The following ABR variants were observed in gnomAD, a reference collection of about 807,000 sequenced individuals.
ABR encodes ABR activator of RhoGEF and GTPase.
ABR carries 35 observed loss-of-function variants against 107.2 expected under a neutral mutation model. The observed-to-expected ratio is 0.33, with a 90% CI of 0.25 to 0.43. ABR has a LOEUF of 0.43. ABR is among the 20% of genes least tolerant of loss of function. ABR has a pLI of 1.00. For missense variants in ABR, 815 were observed against 1,115.2 expected (o/e 0.73, Z 3.83); for synonymous variants, 498 against 462.0 (o/e 1.08, Z -1.00).
rs1350067450 is a variant in ABR, at chr17:1,125,305, C to T, written c.124G>A (p.Glu42Lys). Residue 42 changes from glutamate (E) to lysine (K), a missense_variant, in exon 2 of 23, where the codon GAG becomes AAG. This residue lies in a region of ABR where 129 missense variants were observed against 124.8 expected (regional missense o/e 1.03). Transcript: ENST00000302538. ...EGNEEQKGPP[E>K]GSETMPYIDE... is the part of the protein sequence containing the mutation. ...ATGTACGGCATGGTCTCTGAGCCCT[C>T]CGGGGGCCCCTTCTGCTCCTCATTC... The T allele has an allele frequency of 5.0e-6, 8 of 1,613,926 alleles. No individual in the cohort carries two copies. Among genetic ancestry groups the T allele is most frequent in the Non-Finnish European group, 5.9e-6 (7 of 1,179,992 alleles).
At chr17:1,031,951 C>A in intron 16 of ABR, 1 of 868,512 alleles carries the variant, frequency 1.2e-6, no homozygotes, top group Non-Finnish European at 1.5e-6. Flanking sequence ...CCGCCCTCCG[C>A]GAGGCTGCAG....
At position 1,070,770 on chromosome 17, in the gene ABR, CG is replaced by C; in HGVS notation, c.895-681del. Among the ~76,000 whole-genome samples the C allele has an allele frequency of 1.3e-5, 2 of 152,254 alleles. No individual in the cohort carries two copies. The highest frequency in any genetic ancestry group is 3.4e-3 in the Middle Eastern group (1 of 294). ...AGAGTTTCCAACCCCCGCTCAGAGC[CG>C]GGGGGTCGTCCCCATCTGTGCCAGC... On this transcript the variant is annotated intron_variant, in intron 8 of 22. Coordinates refer to ENST00000302538, the MANE Select transcript of ABR (RefSeq NM_021962.5). The surrounding 1 kb of genome is among the most constrained non-coding windows in gnomAD (Gnocchi z 4.2).
At position 1,084,437 on chromosome 17, in the gene ABR, C is replaced by T. The variant is rs1230672070; in HGVS notation, c.532-810G>A. 2.0e-5 allele frequency among the ~76,000 whole-genome samples: 3 copies of T among 152,276 alleles called. No individual in the cohort carries two copies. In the East Asian group the frequency reaches 5.8e-4, roughly 29 times the overall value. ...TTTCCATTTCCCTTGGCCTTGAGGC[C>T]CCGTCCTCACCTCTTCCACCTCCTC... On this transcript the variant is annotated intron_variant, in intron 4 of 22. Coordinates refer to ENST00000302538, the MANE Select transcript of ABR (RefSeq NM_021962.5). The surrounding 1 kb of genome is among the most constrained non-coding windows in gnomAD (Gnocchi z 4.2).
intron 3 of ABR, among the ~76,000 whole-genome samples, chr17:1,093,228 G>C (rs1567740715): frequency 6.6e-6 from 1 of 151,904 alleles, no homozygotes; most frequent in African/African-American, 2.4e-5. Context: ...TAGCACTTTG[G>C]GAGGCCGAGG....
chr17:1,195,871 T>C lies in ABR; in HGVS notation c.838+32922A>G, dbSNP rs149381580. Among the ~76,000 whole-genome samples, 121 of 134,882 alleles carry C rather than the reference T, an allele frequency of 9.0e-4. 4 individuals carry two copies. The highest frequency in any genetic ancestry group is 3.3e-3 in the African/African-American group (114 of 35,048). 88.5% of individuals were successfully genotyped at this position (134,882 alleles called of 152,430 possible). A position where few individuals can be genotyped will look rare whatever the true frequency, so the allele number is the denominator to read the frequency against. On this transcript the variant is annotated intron_variant, in intron 1 of 22. Coordinates refer to the ABR transcript ENST00000574139. ...AATCCCAGAACTTTGGGAAGGCAAG[T>C]TGGGATTGTGGGGAGAGATCACTTG...
intron 12 of ABR, 70 bp downstream of exon 12, chr17:1,057,900 G>T (rs970632456): frequency 1.4e-6 from 2 of 1,402,576 alleles, no homozygotes; most frequent in Non-Finnish European, 2.0e-6. Context: ...GACATGAAAC[G>T]CTTAGAAATA....
intron 10 of ABR, among the ~76,000 whole-genome samples, chr17:1,066,704 C>G (rs1407666817): frequency 6.6e-6 from 1 of 151,818 alleles, no homozygotes; most frequent in East Asian, 1.9e-4. Context: ...AATTTTTGTA[C>G]TTTTAGTAGA....
chr17:1,184,427 C>T (rs1430293035), upstream of ABR, among the ~76,000 whole-genome samples: 1 of 152,054 alleles, frequency 6.6e-6, no homozygotes, highest in East Asian at 1.9e-4. Flanking sequence ...TGCACTCCAG[C>T]CTGGGGACAG....
At chr17:1,196,482 A>G (rs2042568100) in intron 1 of ABR, among the ~76,000 whole-genome samples, 1 of 152,140 alleles carries the variant, frequency 6.6e-6, no homozygotes, top group South Asian at 2.1e-4. Flanking sequence ...TTCTTAGCTA[A>G]CTTCTCAGAG....
At chr17:1,014,092 T>G (rs1597367336) in intron 16 of ABR, among the ~76,000 whole-genome samples, 1 of 152,232 alleles carries the variant, frequency 6.6e-6, no homozygotes, top group Admixed American at 6.5e-5. Flanking sequence ...TTCCTTCTCA[T>G]GGATTCAGTG....
intron 9 of ABR, among the ~76,000 whole-genome samples, chr17:1,069,424 G>A (rs891191537): frequency 6.6e-6 from 1 of 152,210 alleles, no homozygotes; most frequent in African/African-American, 2.4e-5. Flanking sequence ...AGCACTTTGG[G>A]AGGCCGAGGC....
Position 1,004,994 on chromosome 17 carries a change from C to T in ABR, c.*1086G>A, listed in dbSNP as rs769118358. ...CCTGCCTGGACACCTGCTTCGGCCA[C>T]ATCAGTCACCCTCCAGGAAGCCTGG... On this transcript the variant is annotated 3_prime_UTR_variant, in exon 23 of 23. Coordinates refer to ENST00000302538, the MANE Select transcript of ABR (RefSeq NM_021962.5). 1 of 398,934 alleles carries T rather than the reference C, an allele frequency of 2.5e-6. No homozygotes were observed. The highest frequency in any genetic ancestry group is 4.4e-6 in the Non-Finnish European group (1 of 226,218). The allele number at this position is 398,934 out of a possible 1,614,324, so 24.7% of individuals were successfully genotyped here. A position where few individuals can be genotyped will look rare whatever the true frequency, so the allele number is the denominator to read the frequency against.
rs190882619 is a variant in ABR, at chr17:1,030,534, G to A, written c.1792-17370C>T. ...GAGGCTGAAGGTGACACAGGGGCCA[G>A]TGCAGTACAGCTCAAGTTGCTGCCC... On this transcript the variant is annotated intron_variant, in intron 16 of 22. Transcript: ENST00000302538. Among the ~76,000 whole-genome samples the A allele has an allele frequency of 7.4e-4, 113 of 152,366 alleles. 1 individual carries two copies. The highest frequency in any genetic ancestry group is 2.7e-3 in the African/African-American group (111 of 41,580).
chr17:1,227,642 A>AT (rs113934293), intron 1 of ABR, among the ~76,000 whole-genome samples: 45,299 of 151,890 alleles, frequency 0.3, 7,124 homozygotes, highest in Non-Finnish European at 0.34. Flanking sequence ...AGCATCAATG[A>AT]TTTTTTTTCC....
intron 21 of ABR, among the ~76,000 whole-genome samples, chr17:1,008,865 C>G (rs1174853209): frequency 6.6e-6 from 1 of 152,224 alleles, no homozygotes; most frequent in South Asian, 2.1e-4. Flanking sequence ...GTACAACCAA[C>G]TTTAGCCACT....
At chr17:1,215,344 T>C (rs1448120176) in intron 1 of ABR, among the ~76,000 whole-genome samples, 3 of 151,548 alleles carry the variant, frequency 2.0e-5, no homozygotes, top group Non-Finnish European at 3.0e-5. Context: ...CCCTGCCTGA[T>C]TCTCCTGCCT....
In ABR at chr17:1,070,213, C is replaced by T. The variant is rs1016361589; in HGVS notation, c.895-123G>A. On this transcript the variant is annotated intron_variant, in intron 8 of 22. Coordinates refer to ENST00000302538, the MANE Select transcript of ABR (RefSeq NM_021962.5). This position sits in a 1 kb window ranked among gnomAD's most constrained non-coding sequence, Gnocchi z 4.2. ...CGAGAGGCGGCATAGCCTGTCATCC[C>T]TTAACCAAAGGTGGTTCAAGCACTG... The T allele has an allele frequency of 3.0e-6, 4 of 1,354,066 alleles. No individual in the cohort carries two copies. In the Admixed American group the frequency reaches 6.4e-5, roughly 22 times the overall value. 83.9% of individuals were successfully genotyped at this position (1,354,066 alleles called of 1,614,324 possible).
chr17:1,193,929 C>T (rs183891144), intron 1 of ABR, among the ~76,000 whole-genome samples: 19 of 152,060 alleles, frequency 1.2e-4, no homozygotes, highest in Middle Eastern at 3.4e-3. Context: ...CTCCTGACCT[C>T]GTGATCTGCC....
At chr17:1,173,750 C>T (rs932730130) in intron 1 of ABR, among the ~76,000 whole-genome samples, 6 of 152,272 alleles carry the variant, frequency 3.9e-5, no homozygotes, top group Admixed American at 2.6e-4. Context: ...AGGGCCTGTG[C>T]GGGAGCCGCT....
Sources: allele counts gnomAD v4.1 joint callset (sites outside exome capture counted in the v4.1 genomes callset), GRCh38; gene constraint gnomAD v4.1.1; regional missense constraint gnomAD v4.1.1; non-coding constraint Gnocchi (gnomAD v3.1); transcripts MANE v1.5; gene names NCBI Gene and HGNC (gene_info 2026-07-23, HGNC 2026-07-21).